The following MORN3 variants were observed in gnomAD, a reference collection of about 807,000 sequenced individuals.
MORN3 encodes MORN repeat-containing protein 3.
MORN3 carries 38 observed loss-of-function variants against 34.7 expected under a neutral mutation model. The observed-to-expected ratio is 1.10, with a 90% CI of 0.85 to 1.44. The LOEUF (loss-of-function observed/expected upper bound fraction) is 1.44, where lower values mean the gene tolerates loss of function less well. Ranked by LOEUF, MORN3 falls within the 40% of genes most tolerant of loss-of-function variation. The pLI is 0.00. For synonymous variants in MORN3, 109 were observed against 115.3 expected, an observed-to-expected ratio of 0.95 and a Z score of 0.35; for missense variants, 311 against 321.7, an observed-to-expected ratio of 0.97 and a Z score of 0.25.
At chr12:121,652,090 C>A (rs1041593318) in intron 5 of MORN3, among the ~76,000 whole-genome samples, 2 of 152,032 alleles carry the variant, frequency 1.3e-5, no homozygotes, top group Non-Finnish European at 2.9e-5. Context: ...TGCCCTCCCC[C>A]ACGCCCAGCT....
rs373805142 is a variant in MORN3, at chr12:121,659,233, G to A, written c.261C>T (p.Cys87=). The change falls in exon 2 of 6, where the codon TGC becomes TGT. Residue 87 remains cysteine, a synonymous_variant. Transcript: ENST00000355329. ...LSLPDQQTGK[C]RRVYSGWWKG... ...TCCACCAGCCTGAGTAGACTCTCCT[G>A]CACTTTCCTGTCTGTTGGTCAGGAA... is the stretch of plus-strand genomic sequence containing the variant. The A allele has an allele frequency of 2.5e-6, 4 of 1,613,838 alleles. No homozygotes were observed. Among genetic ancestry groups the A allele is most frequent in the Non-Finnish European group, 3.4e-6 (4 of 1,179,982 alleles).
intron 1 of MORN3, among the ~76,000 whole-genome samples, chr12:121,660,355 CTT>C (rs200327265): frequency 7.0e-5 from 9 of 128,728 alleles, no homozygotes; most frequent in Admixed American, 8.0e-5. Context: ...TTCTTTCTTT[CTT>C]TTTTTTTTTT....
At position 121,653,273 on chromosome 12, in the gene MORN3, C is replaced by G. The variant is rs781918484; in HGVS notation, c.464-14G>C. On this transcript the variant is annotated splice_polypyrimidine_tract_variant and intron_variant, in intron 3 of 5. Coordinates refer to ENST00000355329, the MANE Select transcript of MORN3 (RefSeq NM_173855.5). ...GGTTCCCGTTCTCTGGGGGAAAGGA[C>G]AGGGAGGTGTGGTGCAGGGTACACC... 1.9e-6 allele frequency: 3 copies of G among 1,612,034 alleles called. No individual in the cohort carries two copies. The East Asian group carries it at 6.7e-5, about 36-fold the overall frequency.
At chr12:121,661,355 C>T (rs1472467485) in intron 1 of MORN3, among the ~76,000 whole-genome samples, 1 of 152,138 alleles carries the variant, frequency 6.6e-6, no homozygotes, top group African/African-American at 2.4e-5. Flanking sequence ...TCTCGACGAG[C>T]TGGGAATACA....
chr12:121,668,928 C>T lies in MORN3; in HGVS notation c.145+411G>A, dbSNP rs74878774. Among the ~76,000 whole-genome samples, 157 of 152,294 alleles carry T rather than the reference C, an allele frequency of 1.0e-3. 1 individual carries two copies. The East Asian group carries it at 0.024, about 24-fold the overall frequency. On this transcript the variant is annotated intron_variant, in intron 1 of 5. Coordinates refer to ENST00000355329, the MANE Select transcript of MORN3 (RefSeq NM_173855.5). ...GTAGGGGGTCCTCCCTTGTGCCTGG[C>T]GCTCAGCCCTCTGCAGAGCATCACA...
rs2136863641 is a variant in MORN3 at position 121,651,162 on chromosome 12, T to G, written c.*489A>C. On this transcript the variant is annotated 3_prime_UTR_variant, in exon 6 of 6. Transcript: ENST00000355329. ...TTTTTGTAGAGTCAGGGTCTTGCTA[T>G]GTTGCCTAAGCTGGTCTCGAACTCC... 1 of 152,254 alleles carries G rather than the reference T, an allele frequency of 6.6e-6. No individual in the cohort carries two copies. Among genetic ancestry groups the G allele is most frequent in the Non-Finnish European group, 1.5e-5 (1 of 68,038 alleles). The allele number at this position is 152,254 out of a possible 1,614,324, so 9.4% of individuals were successfully genotyped here. A position where few individuals can be genotyped will look rare whatever the true frequency, so the allele number is the denominator to read the frequency against.
chr12:121,671,287 G>T (rs558889218), upstream of MORN3, among the ~76,000 whole-genome samples: 38 of 138,702 alleles, frequency 2.7e-4, no homozygotes, highest in African/African-American at 1.0e-3. Context: ...GGCGCCTGTA[G>T]TCCCAGCTAC....
chr12:121,665,843 C>G (rs1216865532), intron 1 of MORN3, among the ~76,000 whole-genome samples: 1 of 150,718 alleles, frequency 6.6e-6, no homozygotes, highest in East Asian at 2.0e-4. Flanking sequence ...GGTTCGGGGT[C>G]CAGACGACCC....
chr12:121,659,662 G>C (rs1893522103), intron 1 of MORN3, among the ~76,000 whole-genome samples: 1 of 151,662 alleles, frequency 6.6e-6, no homozygotes, highest in South Asian at 2.1e-4. Context: ...AGCCTCCAGA[G>C]TAGCTAGGAC....
At chr12:121,655,367 C>T (rs1893386471) in intron 2 of MORN3, among the ~76,000 whole-genome samples, 1 of 151,138 alleles carries the variant, frequency 6.6e-6, no homozygotes, top group Non-Finnish European at 1.5e-5. Context: ...CCCATCTGAT[C>T]ATGCTCGCCC....
Position 121,650,429 on chromosome 12 carries a change from G to A in MORN3, c.*1222C>T, listed in dbSNP as rs1476079436. 2.0e-5 allele frequency: 3 copies of A among 149,934 alleles called. No individual in the cohort carries two copies. Among genetic ancestry groups the A allele is most frequent in the African/African-American group, 7.4e-5 (3 of 40,666 alleles). 9.3% of individuals were successfully genotyped at this position (149,934 alleles called of 1,614,324 possible). A position where few individuals can be genotyped will look rare whatever the true frequency, so the allele number is the denominator to read the frequency against. On this transcript the variant is annotated 3_prime_UTR_variant, in exon 6 of 6. Transcript: ENST00000355329. Reference sequence around the variant, plus strand: ...TAATCCCAGCTACTTGGGAGGCTGAGGCAGGATAATCGCTTGAACCAGGGA... The same window carrying A: ...TAATCCCAGCTACTTGGGAGGCTGAAGCAGGATAATCGCTTGAACCAGGGA...
chr12:121,671,784 G>A (rs1057120538), upstream of MORN3, among the ~76,000 whole-genome samples: 4 of 151,980 alleles, frequency 2.6e-5, no homozygotes, highest in African/African-American at 9.7e-5. Flanking sequence ...GGAGGCTGAG[G>A]CAGGAGAATC....
chr12:121,652,690 A>T, intron 5 of MORN3, 38 bp downstream of exon 5: 1 of 1,590,004 alleles, frequency 6.3e-7, no homozygotes, highest in Non-Finnish European at 8.6e-7. Flanking sequence ...GAGCAGCCTC[A>T]GCCACATCAG....
chr12:121,659,137 GCACACACACACACACA>G (rs57639477), intron 2 of MORN3, 38 bp downstream of exon 2: 4 of 1,485,488 alleles, frequency 2.7e-6, no homozygotes, highest in Admixed American at 3.8e-5. Context: ...ACACACGCGC[GCACACACACACACACA>G]CACACACACA....
At chr12:121,659,078 T>G in intron 2 of MORN3, 113 bp downstream of exon 2, 1 of 1,402,252 alleles carries the variant, frequency 7.1e-7, no homozygotes, top group Non-Finnish European at 9.6e-7. Context: ...CTCCTCCCTG[T>G]AGACCTCCCC....
At chr12:121,671,133 C>T (rs1214117584), upstream of MORN3, among the ~76,000 whole-genome samples, 2 of 137,430 alleles carry the variant, frequency 1.5e-5, no homozygotes, top group Admixed American at 7.6e-5. Context: ...AAAGACTGGG[C>T]GCGGTGGCTC....
chr12:121,668,338 T>G (rs1022679062), intron 1 of MORN3, among the ~76,000 whole-genome samples: 2 of 150,280 alleles, frequency 1.3e-5, no homozygotes, highest in African/African-American at 2.4e-5. Flanking sequence ...AGGTCGGGAG[T>G]TCAAGACCAG....
Position 121,652,799 on chromosome 12 carries a change from G to A in MORN3, c.658C>T (p.Leu220=), listed in dbSNP as rs782126922. The stretch of plus-strand genomic sequence containing the variant: ...TCCGCCAGCACACCATCAGGGTCTA[G>A]GATTTTGACCTGGAGGGAAATACCA... The part of the protein sequence containing the change: ...TQFPIPEVKI[L]DPDGVLAEAL... Residue 220 remains leucine, a synonymous_variant, in exon 5 of 6, where the codon CTA becomes TTA. Coordinates refer to ENST00000355329, the MANE Select transcript of MORN3 (RefSeq NM_173855.5). The A allele has an allele frequency of 8.7e-6, 14 of 1,614,128 alleles. No homozygotes were observed. The highest frequency in any genetic ancestry group is 1.3e-5 in the African/African-American group (1 of 74,950).
At chr12:121,657,403 T>C (rs1454649245) in intron 2 of MORN3, among the ~76,000 whole-genome samples, 1 of 152,214 alleles carries the variant, frequency 6.6e-6, no homozygotes, top group African/African-American at 2.4e-5. Flanking sequence ...CTGATTTATG[T>C]GATCTTGTGG....
Sources: gnomAD v4.1 joint callset for allele counts (sites outside exome capture counted in the v4.1 genomes callset) on GRCh38, gnomAD v4.1.1 for gene constraint, MANE v1.5 for transcripts, NCBI Gene and HGNC (gene_info 2026-07-23, HGNC 2026-07-21) for gene names.